Variants in LYRM4 observed in about 807,000 individuals in gnomAD.
LYRM4 encodes the protein LYR motif containing 4.
Under a neutral mutation model 11.7 loss-of-function variants are expected in LYRM4, and 9 were observed. The observed-to-expected ratio is 0.77, with a 90% CI of 0.46 to 1.34. The LOEUF (loss-of-function observed/expected upper bound fraction) is 1.34. Among genes scored for constraint, LYRM4 ranks in the 40% most tolerant of loss-of-function variants. The probability of loss-of-function intolerance (pLI) is 0.00; values close to 1 mark genes in which losing one functional copy is unlikely to be tolerated. For synonymous variants in LYRM4, 42 were observed against 40.4 expected, an observed-to-expected ratio of 1.04 and a Z score of -0.15; for missense variants, 133 against 112.5, an observed-to-expected ratio of 1.18 and a Z score of -0.82.
chr6:5,214,779 G>A (rs1762177451), intron 2 of LYRM4, among the ~76,000 whole-genome samples: 1 of 152,248 alleles, frequency 6.6e-6, no homozygotes, highest in African/African-American at 2.4e-5. Flanking sequence ...TTCAGGAAGA[G>A]TCTTGACATG....
the LYRM4 span, among the ~76,000 whole-genome samples, chr6:5,076,950 G>A: frequency 6.6e-5 from 10 of 152,268 alleles, no homozygotes; most frequent in South Asian, 2.1e-3. Flanking sequence ...AATGTCCAGG[G>A]AACAAGAGAG....
chr6:5,260,571 A>C, intron 1 of LYRM4, 77 bp downstream of exon 1: 2 of 1,512,444 alleles, frequency 1.3e-6, no homozygotes, highest in African/African-American at 1.4e-5. Flanking sequence ...GTCCCCGGGG[A>C]TATTCCGCGT....
intron 2 of LYRM4, among the ~76,000 whole-genome samples, chr6:5,148,863 T>C (rs1757931753): frequency 6.6e-6 from 1 of 152,182 alleles, no homozygotes; most frequent in South Asian, 2.1e-4. Flanking sequence ...TGTAGCGCGC[T>C]TCCAAGTATA....
chr6:5,064,858 A>G, the LYRM4 span, among the ~76,000 whole-genome samples: 5 of 152,298 alleles, frequency 3.3e-5, no homozygotes, highest in South Asian at 1.0e-3. Context: ...TGGGAACATT[A>G]AAATGTGCTC....
At chr6:5,211,897 G>A (rs1294691186) in intron 2 of LYRM4, among the ~76,000 whole-genome samples, 2 of 152,162 alleles carry the variant, frequency 1.3e-5, no homozygotes, top group Non-Finnish European at 2.9e-5. Flanking sequence ...CAGAAACCCA[G>A]TTCTGGCAAC....
chr6:5,102,417 T>C (rs1762533907), downstream of LYRM4, among the ~76,000 whole-genome samples: 1 of 152,154 alleles, frequency 6.6e-6, no homozygotes, highest in South Asian at 2.1e-4. Context: ...CTAGAACCAA[T>C]TGTATTGTTA....
At chr6:5,119,226 C>T (rs1197925506) in intron 2 of LYRM4, among the ~76,000 whole-genome samples, 1 of 152,090 alleles carries the variant, frequency 6.6e-6, no homozygotes, top group Non-Finnish European at 1.5e-5. Context: ...AGTTCATATC[C>T]CTGCCCACTA....
the LYRM4 span, among the ~76,000 whole-genome samples, chr6:5,048,209 T>C: frequency 2.0e-5 from 3 of 152,172 alleles, no homozygotes; most frequent in African/African-American, 4.8e-5. Context: ...AACTTTTCCA[T>C]GTGATAAATC....
intron 2 of LYRM4, among the ~76,000 whole-genome samples, chr6:5,169,849 T>C (rs1759316133): frequency 6.6e-6 from 1 of 152,198 alleles, no homozygotes; most frequent in African/African-American, 2.4e-5. Context: ...CCATGACCAG[T>C]GTAGGAGGGA....
At chr6:5,247,884 A>T (rs1185642457) in intron 1 of LYRM4, among the ~76,000 whole-genome samples, 1 of 152,242 alleles carries the variant, frequency 6.6e-6, no homozygotes, top group Admixed American at 6.5e-5. Flanking sequence ...GTTATTTACT[A>T]TAGTTATAAT....
chr6:5,120,421 A>C (rs1423059430), intron 2 of LYRM4, among the ~76,000 whole-genome samples: 1 of 152,136 alleles, frequency 6.6e-6, no homozygotes, highest in Non-Finnish European at 1.5e-5. Flanking sequence ...GGTCTCTCTG[A>C]CTTCAGGAAT....
intron 2 of LYRM4, among the ~76,000 whole-genome samples, chr6:5,201,910 C>T (rs1761415595): frequency 6.6e-6 from 1 of 152,222 alleles, no homozygotes; most frequent in Non-Finnish European, 1.5e-5. Context: ...GCTGCGGAGT[C>T]TTAAGCTCCT....
At chr6:5,116,358 G>C (rs1439212418) in intron 2 of LYRM4, among the ~76,000 whole-genome samples, 1 of 152,192 alleles carries the variant, frequency 6.6e-6, no homozygotes, top group African/African-American at 2.4e-5. Context: ...AGAAGAAGAA[G>C]GGGAAATACT....
At chr6:5,114,245 G>A (rs1271321201) in intron 2 of LYRM4, among the ~76,000 whole-genome samples, 2 of 152,212 alleles carry the variant, frequency 1.3e-5, no homozygotes, top group East Asian at 1.9e-4. Flanking sequence ...GGAGCTACAC[G>A]CTAAGACTGG....
At chr6:5,059,328 A>C in the LYRM4 span, among the ~76,000 whole-genome samples, 1 of 142,288 alleles carries the variant, frequency 7.0e-6, no homozygotes, top group South Asian at 2.3e-4. Context: ...GCAACAGAGC[A>C]GCGCCCTGTC....
At chr6:5,080,572 C>T in the LYRM4 span, among the ~76,000 whole-genome samples, 2 of 152,138 alleles carry the variant, frequency 1.3e-5, no homozygotes, top group Non-Finnish European at 2.9e-5. Flanking sequence ...GCATCCGAAC[C>T]GGGAGCACCT....
At chr6:5,255,291 C>T (rs1764614364) in intron 1 of LYRM4, among the ~76,000 whole-genome samples, 1 of 152,134 alleles carries the variant, frequency 6.6e-6, no homozygotes, top group South Asian at 2.1e-4. Flanking sequence ...AATTACTAGA[C>T]ACTAAGTGAT....
rs150219318 is a variant in LYRM4 at position 5,240,215 on chromosome 6, C to T, written c.86+20433G>A. On this transcript the variant is annotated intron_variant, in intron 1 of 2. Coordinates refer to ENST00000330636, the MANE Select transcript of LYRM4 (RefSeq NM_020408.6). ...TTCTCTACGTCTGCTTGTTCCCTGA[C>T]TCACTCTGGTAAAATCTCACCTCCT... Among the ~76,000 whole-genome samples, 915 of 152,248 alleles carry T rather than the reference C, an allele frequency of 6.0e-3. 10 individuals are homozygous for T. Among genetic ancestry groups the T allele is most frequent in the South Asian group, 0.043 (209 of 4,818 alleles).
At chr6:5,167,592 G>A (rs1476553255) in intron 2 of LYRM4, among the ~76,000 whole-genome samples, 1 of 152,120 alleles carries the variant, frequency 6.6e-6, no homozygotes, top group East Asian at 1.9e-4. Flanking sequence ...ACCCCTGTCC[G>A]ATGAATGTTC....
Sources: allele counts gnomAD v4.1 joint callset (sites outside exome capture counted in the v4.1 genomes callset), GRCh38; gene constraint gnomAD v4.1.1; transcripts MANE v1.5; gene names NCBI Gene and HGNC (gene_info 2026-07-23, HGNC 2026-07-21).